OCA2: variants seen among roughly 807,000 people sequenced by gnomAD.
OCA2 encodes OCA2 melanosomal transmembrane protein, also known as P protein.
Under a neutral mutation model 100.2 loss-of-function variants are expected in OCA2, and 77 were observed. The ratio of observed to expected loss-of-function variants is 0.77; its 90% CI spans 0.64 to 0.93. OCA2 has a LOEUF of 0.93. Ranked by LOEUF, OCA2 falls within the 40% of genes least tolerant of loss-of-function variation. The pLI, the probability that OCA2 is intolerant of heterozygous loss-of-function variation, is 0.00. For synonymous variants in OCA2, 432 were observed against 439.2 expected (o/e 0.98, Z 0.21); for missense variants, 1,062 against 1,089.1 (o/e 0.98, Z 0.35).
At chr15:27,887,601 T>A (rs1237867357) in intron 19 of OCA2, among the ~76,000 whole-genome samples, 1 of 143,182 alleles carries the variant, frequency 7.0e-6, no homozygotes, top group Non-Finnish European at 1.5e-5. Flanking sequence ...GGGAGACCTG[T>A]AAGTCCACTA....
chr15:28,010,023 C>A (rs1295348638), intron 9 of OCA2, among the ~76,000 whole-genome samples: 1 of 151,756 alleles, frequency 6.6e-6, no homozygotes, highest in Non-Finnish European at 1.5e-5. Flanking sequence ...GGATTTATTC[C>A]AGATATGCAA....
Position 27,845,028 on chromosome 15 carries a change from G to A in OCA2, c.2363C>T (p.Ser788Leu), listed in dbSNP as rs147736385. The change falls in exon 23 of 24, where the codon TCG (serine) becomes TTG (leucine). Residue 788 changes from serine to leucine, a missense_variant. Transcript: ENST00000354638. Reference protein sequence around the residue: ...LGGNGTLIGASANVVCAGIAE... With the variant: ...LGGNGTLIGALANVVCAGIAE... ...AATCCCTGCACACACGACGTTTGCC[G>A]ACGCGCCAATCAGTGTCCCGTTACC... 1.2e-5 allele frequency: 19 copies of A among 1,613,842 alleles called. No individual in the cohort carries two copies. Among genetic ancestry groups the A allele is most frequent in the East Asian group, 4.5e-5 (2 of 44,874 alleles).
intron 2 of OCA2, among the ~76,000 whole-genome samples, chr15:28,077,507 G>C (rs1242744070): frequency 6.6e-6 from 1 of 152,230 alleles, no homozygotes; most frequent in African/African-American, 2.4e-5. Context: ...AGCTAGGACA[G>C]GGGAAACAGC....
At chr15:28,020,723 TACAA>T (rs2042567536) in intron 6 of OCA2, among the ~76,000 whole-genome samples, 1 of 152,130 alleles carries the variant, frequency 6.6e-6, no homozygotes, top group Non-Finnish European at 1.5e-5. Flanking sequence ...ATGAAGAAAA[TACAA>T]ACACGTGCAC....
intron 18 of OCA2, among the ~76,000 whole-genome samples, chr15:27,937,992 A>C (rs762048246): frequency 1.3e-5 from 2 of 152,238 alleles, no homozygotes; most frequent in Non-Finnish European, 2.9e-5. Flanking sequence ...TCACAAATAT[A>C]AATAAGAAAA....
intron 23 of OCA2, among the ~76,000 whole-genome samples, chr15:27,784,808 A>C (rs1330824346): frequency 6.6e-6 from 1 of 152,194 alleles, no homozygotes; most frequent in African/African-American, 2.4e-5. Flanking sequence ...AGAAAAAAAC[A>C]ACCAGCAGAG....
intron 18 of OCA2, among the ~76,000 whole-genome samples, chr15:27,932,650 A>T (rs2039295661): frequency 6.6e-6 from 1 of 152,212 alleles, no homozygotes; most frequent in Non-Finnish European, 1.5e-5. Flanking sequence ...GCACAGAGCC[A>T]ATCTATAAAA....
chr15:27,920,180 A>T (rs777956206), intron 19 of OCA2, among the ~76,000 whole-genome samples: 3 of 152,216 alleles, frequency 2.0e-5, no homozygotes, highest in Non-Finnish European at 4.4e-5. Flanking sequence ...AGATTTTTTA[A>T]ATGTGATTCA....
the OCA2 span, among the ~76,000 whole-genome samples, chr15:27,745,016 G>A: frequency 6.6e-6 from 1 of 152,166 alleles, no homozygotes; most frequent in Non-Finnish European, 1.5e-5. Context: ...GAAAGAACCT[G>A]CAGTATTTTA....
chr15:27,875,124 A>C (rs1448436106), intron 19 of OCA2, among the ~76,000 whole-genome samples: 1 of 152,176 alleles, frequency 6.6e-6, no homozygotes, highest in African/African-American at 2.4e-5. Context: ...ACAACAACGA[A>C]AAAGAGATCA....
At chr15:27,823,966 C>T (rs2034602039) in intron 23 of OCA2, among the ~76,000 whole-genome samples, 2 of 152,354 alleles carry the variant, frequency 1.3e-5, no homozygotes, top group Middle Eastern at 3.4e-3. Context: ...TAGCAATCTA[C>T]ACACACTTCT....
At chr15:27,746,096 C>T in the OCA2 span, among the ~76,000 whole-genome samples, 1 of 152,228 alleles carries the variant, frequency 6.6e-6, no homozygotes, top group Non-Finnish European at 1.5e-5. Context: ...GCCTTGGTCA[C>T]TCATATTTGG....
rs373962635 is a variant in OCA2, at chr15:27,926,133, C to T, written c.2073G>A (p.Leu691=). The T allele has an allele frequency of 1.3e-5, 21 of 1,613,976 alleles. No individual in the cohort carries two copies. Among genetic ancestry groups the T allele is most frequent in the Non-Finnish European group, 1.8e-5 (21 of 1,179,992 alleles). The stretch of plus-strand genomic sequence containing the variant: ...AAAAGTTCTAAAATCTTACCTCCAT[C>T]AGAACAAAGAGCGCTGCAAAAAACA... ...TLLFFAALFV[L]MEALAHLHLI... The change falls in exon 19 of 24, where the codon CTG becomes CTA. Residue 691 remains leucine (L), a synonymous_variant. Coordinates refer to ENST00000354638, the MANE Select transcript of OCA2 (RefSeq NM_000275.3).
At chr15:27,856,711 C>T (rs1186353959) in intron 21 of OCA2, among the ~76,000 whole-genome samples, 3 of 150,354 alleles carry the variant, frequency 2.0e-5, no homozygotes, top group Non-Finnish European at 2.9e-5. Context: ...AACACACACA[C>T]ACACACACAC....
chr15:27,769,611 A>G (rs1263987390), intron 23 of OCA2, among the ~76,000 whole-genome samples: 3 of 152,196 alleles, frequency 2.0e-5, no homozygotes, highest in African/African-American at 7.2e-5. Context: ...CCATGGAACC[A>G]GACACCACCT....
chr15:27,900,898 G>T (rs545097519), intron 19 of OCA2, among the ~76,000 whole-genome samples: 1 of 152,180 alleles, frequency 6.6e-6, no homozygotes, highest in Admixed American at 6.5e-5. Flanking sequence ...CTCAACAGTG[G>T]ATAAAAACCA....
intron 23 of OCA2, among the ~76,000 whole-genome samples, chr15:27,808,057 T>C (rs539979816): frequency 1.3e-5 from 2 of 152,316 alleles, no homozygotes; most frequent in East Asian, 1.9e-4. Flanking sequence ...ATGAATACTA[T>C]TGAGGAAGGT....
At chr15:27,870,965 CCCAG>C (rs2036544705) in intron 21 of OCA2, among the ~76,000 whole-genome samples, 185 bp downstream of exon 21, 1 of 152,110 alleles carries the variant, frequency 6.6e-6, no homozygotes, top group Non-Finnish European at 1.5e-5. Flanking sequence ...AGCCTCGGCT[CCCAG>C]CCTGCAGTCT....
intron 17 of OCA2, among the ~76,000 whole-genome samples, chr15:27,953,183 A>G (rs988273191): frequency 6.6e-6 from 1 of 152,236 alleles, no homozygotes; most frequent in African/African-American, 2.4e-5. Context: ...ACATATAGAT[A>G]TATAGATATA....
Sources: allele counts gnomAD v4.1 joint callset (sites outside exome capture counted in the v4.1 genomes callset), GRCh38; gene constraint gnomAD v4.1.1; transcripts MANE v1.5; gene names NCBI Gene and HGNC (gene_info 2026-07-23, HGNC 2026-07-21).